WDPCP: variants seen among roughly 807,000 people sequenced by gnomAD.
WDPCP encodes WD repeat-containing and planar cell polarity effector protein fritz homolog.
WDPCP carries 71 observed loss-of-function variants against 93.1 expected under a neutral mutation model. That is an observed-to-expected ratio of 0.76 (90% CI 0.63 to 0.93). The LOEUF is 0.93. Ranked by LOEUF, WDPCP falls within the 40% of genes least tolerant of loss-of-function variation. The probability of loss-of-function intolerance (pLI) is 0.00; values close to 1 mark genes in which losing one functional copy is unlikely to be tolerated. For missense variants in WDPCP, 844 were observed against 887.4 expected (o/e 0.95, Z 0.62); for synonymous variants, 315 against 315.0 (o/e 1.00, Z 0.00).
At chr2:63,143,853 T>C (rs1421272035) in intron 17 of WDPCP, among the ~76,000 whole-genome samples, 1 of 152,250 alleles carries the variant, frequency 6.6e-6, no homozygotes, top group African/African-American at 2.4e-5. Context: ...TTGGTTCTTC[T>C]GTCTTACAGG....
chr2:63,325,231 T>C (rs1687441925), intron 12 of WDPCP, among the ~76,000 whole-genome samples: 1 of 152,120 alleles, frequency 6.6e-6, no homozygotes, highest in Non-Finnish European at 1.5e-5. Flanking sequence ...AGCAGGCCAA[T>C]CATCTGGTAG....
chr2:63,404,168 C>T lies in WDPCP; in HGVS notation c.1315G>A (p.Val439Ile), dbSNP rs199676595. 5.6e-4 allele frequency: 896 copies of T among 1,613,990 alleles called. 4 individuals carry two copies. The highest frequency in any genetic ancestry group is 3.4e-4 in the Non-Finnish European group (398 of 1,180,022). The change falls in exon 10 of 18, where the codon GTT (valine) becomes ATT (isoleucine). Residue 439 changes from valine to isoleucine, a missense_variant. By Grantham distance (29) the Val-to-Ile change is conservative. Transcript: ENST00000272321. ...TGAGGAGCTATCCATTGCATTTGAA[C>T]AAGACTGCTGGAGGCATCAAATAAT... is the stretch of plus-strand genomic sequence containing the variant. ...SKLFDASSSLVQMQWIAPQVV... is the reference protein window; with the variant it reads ...SKLFDASSSLIQMQWIAPQVV...
chr2:63,132,087 C>T (rs1462209755), intron 17 of WDPCP, among the ~76,000 whole-genome samples: 1 of 151,998 alleles, frequency 6.6e-6, no homozygotes, highest in Non-Finnish European at 1.5e-5. Context: ...CTGCCTGCCT[C>T]GGCCTCCCAA....
chr2:63,534,747 C>T (rs986382141), intron 1 of WDPCP, among the ~76,000 whole-genome samples: 1 of 152,170 alleles, frequency 6.6e-6, no homozygotes. Flanking sequence ...AACCCACAGC[C>T]AATATCATAC....
chr2:63,360,508 G>A (rs1334925111), intron 12 of WDPCP, among the ~76,000 whole-genome samples: 1 of 152,064 alleles, frequency 6.6e-6, no homozygotes, highest in Non-Finnish European at 1.5e-5. Context: ...AGGTTTAACA[G>A]AGATTTCTCT....
At chr2:63,678,086 T>C (rs529231350) in intron 2 of WDPCP, among the ~76,000 whole-genome samples, 2 of 152,310 alleles carry the variant, frequency 1.3e-5, no homozygotes, top group Non-Finnish European at 2.9e-5. Context: ...GGGGTTCATT[T>C]TTCTAATATA....
At chr2:63,573,624 G>T (rs867810991) in intron 1 of WDPCP, among the ~76,000 whole-genome samples, 3 of 152,188 alleles carry the variant, frequency 2.0e-5, no homozygotes, top group Non-Finnish European at 4.4e-5. Flanking sequence ...TGCACAAATT[G>T]TTTGTAGAGC....
intron 10 of WDPCP, among the ~76,000 whole-genome samples, chr2:63,394,990 C>T (rs1004410897): frequency 1.3e-5 from 2 of 151,986 alleles, no homozygotes; most frequent in Admixed American, 6.6e-5. Flanking sequence ...CCCCAAGACA[C>T]GCAATGTACC....
At chr2:63,330,178 G>A (rs1270590758) in intron 12 of WDPCP, among the ~76,000 whole-genome samples, 1 of 152,134 alleles carries the variant, frequency 6.6e-6, no homozygotes, top group African/African-American at 2.4e-5. Context: ...GTTTTCCACA[G>A]GGCCTATACC....
At chr2:63,547,760 A>T (rs1705261207) in intron 1 of WDPCP, among the ~76,000 whole-genome samples, 1 of 150,976 alleles carries the variant, frequency 6.6e-6, no homozygotes, top group South Asian at 2.1e-4. Context: ...AAAAAAAAAA[A>T]GGTGGCTCTC....
At chr2:63,237,574 T>C (rs571449226) in intron 14 of WDPCP, among the ~76,000 whole-genome samples, 51 of 152,254 alleles carry the variant, frequency 3.3e-4, no homozygotes, top group Admixed American at 1.4e-3. Flanking sequence ...GAAACAACCT[T>C]AGTGCCCATA....
intron 1 of WDPCP, among the ~76,000 whole-genome samples, chr2:63,825,777 C>T (rs1671104805): frequency 6.6e-6 from 1 of 151,992 alleles, no homozygotes; most frequent in Admixed American, 6.6e-5. Context: ...ATAATGATAC[C>T]TATTACTGCT....
chr2:63,300,537 C>A (rs1685250293), intron 13 of WDPCP, among the ~76,000 whole-genome samples: 1 of 152,216 alleles, frequency 6.6e-6, no homozygotes, highest in Non-Finnish European at 1.5e-5. Flanking sequence ...CTGACCCCAG[C>A]CTCTGACTGC....
In WDPCP at chr2:63,450,456, G is replaced by A. The variant is rs187271741; in HGVS notation, c.385-10585C>T. ...ATCACCCATACCATGCCAGCTGCCC[G>A]GGGACTCATGAACCCACTCACACAC... is the stretch of plus-strand genomic sequence containing the variant. On this transcript the variant is annotated intron_variant, in intron 6 of 17. Transcript: ENST00000272321. 1.9e-3 allele frequency among the ~76,000 whole-genome samples: 293 copies of A among 152,212 alleles called. 1 individual carries two copies. The highest frequency in any genetic ancestry group is 6.5e-3 in the African/African-American group (270 of 41,508).
intron 12 of WDPCP, among the ~76,000 whole-genome samples, chr2:63,351,098 C>T (rs1034176656): frequency 2.6e-5 from 4 of 151,998 alleles, no homozygotes; most frequent in African/African-American, 4.8e-5. Flanking sequence ...TCTTGTGCCT[C>T]GGCCTCTCAA....
At chr2:63,446,097 C>T (rs17027899) in intron 6 of WDPCP, among the ~76,000 whole-genome samples, 2,512 of 152,258 alleles carry the variant, frequency 0.016, 80 homozygotes, top group African/African-American at 0.057. Flanking sequence ...TCTCAGTTGA[C>T]TTCCATGCAA....
intron 2 of WDPCP, among the ~76,000 whole-genome samples, chr2:63,659,421 G>C (rs1251223546): frequency 1.3e-5 from 2 of 152,172 alleles, no homozygotes; most frequent in Non-Finnish European, 2.9e-5. Flanking sequence ...GCTTATCCTG[G>C]ATTATCCAGG....
intron 1 of WDPCP, among the ~76,000 whole-genome samples, chr2:63,551,973 T>C (rs1424771457): frequency 6.9e-6 from 1 of 145,890 alleles, no homozygotes; most frequent in African/African-American, 2.6e-5. Context: ...TTTTTTTTTT[T>C]TAAGAGAGAG....
At chr2:63,710,874 T>C (rs1669252464) in intron 2 of WDPCP, among the ~76,000 whole-genome samples, 1 of 152,184 alleles carries the variant, frequency 6.6e-6, no homozygotes, top group East Asian at 1.9e-4. Flanking sequence ...GTCTCTGTAT[T>C]AGGGATCTAT....
Sources: gnomAD v4.1 joint callset for allele counts (sites outside exome capture counted in the v4.1 genomes callset) on GRCh38, gnomAD v4.1.1 for gene constraint, MANE v1.5 for transcripts, NCBI Gene and HGNC (gene_info 2026-07-23, HGNC 2026-07-21) for gene names.